SLC9C2: variants seen among roughly 807,000 people sequenced by gnomAD.
SLC9C2 encodes the protein sodium/hydrogen exchanger 11.
Under a neutral mutation model 140.2 loss-of-function variants are expected in SLC9C2, and 75 were observed. The observed-to-expected ratio is 0.53, with a 90% confidence interval of 0.44 to 0.65. SLC9C2 has a LOEUF of 0.65. Ranked by LOEUF, SLC9C2 falls within the 30% of genes least tolerant of loss-of-function variation. The pLI is 0.00. For missense variants in SLC9C2, 1,074 were observed against 1,331.8 expected, an observed-to-expected ratio of 0.81 and a Z score of 3.01; for synonymous variants, 375 against 420.9, an observed-to-expected ratio of 0.89 and a Z score of 1.34.
Position 173,581,726 on chromosome 1 carries a change from A to G in SLC9C2, c.802+121T>C, listed in dbSNP as rs1413484904. On this transcript the variant is annotated intron_variant, in intron 7 of 27. Transcript: ENST00000367714. ...AGCTAGAGGTAAGTAAAATAATATG[A>G]CAGGACACACAGTGGGGCCACAAAA... 1.7e-5 allele frequency: 12 copies of G among 705,062 alleles called. No homozygotes were observed. The Admixed American group carries it at 4.1e-4, about 24-fold the overall frequency. The allele number at this position is 705,062 out of a possible 1,614,324, so 43.7% of individuals were successfully genotyped here. A position where few individuals can be genotyped will look rare whatever the true frequency, so the allele number is the denominator to read the frequency against.
At chr1:173,581,128 T>C (rs1665504774) in intron 7 of SLC9C2, among the ~76,000 whole-genome samples, 1 of 152,158 alleles carries the variant, frequency 6.6e-6, no homozygotes, top group Non-Finnish European at 1.5e-5. Flanking sequence ...GAAAGAGAAG[T>C]AATTAACCTC....
chr1:173,570,784 A>T (rs559279663), intron 9 of SLC9C2, among the ~76,000 whole-genome samples: 1 of 152,136 alleles, frequency 6.6e-6, no homozygotes, highest in Non-Finnish European at 1.5e-5. Flanking sequence ...AGTTCAGCAC[A>T]GTTTTGCTTT....
chr1:173,558,165 A>C (rs1243642128), intron 9 of SLC9C2, among the ~76,000 whole-genome samples: 1 of 152,230 alleles, frequency 6.6e-6, no homozygotes, highest in Non-Finnish European at 1.5e-5. Flanking sequence ...ATGTGTTCTT[A>C]GCCTCAAAAA....
In SLC9C2 at chr1:173,503,299, G is replaced by A; in HGVS notation, c.3338C>T (p.Pro1113Leu). ...TTGTCTTCCATTTATATTCTTTCCT[G>A]GTTGTTCAAAGACCGTGTTGACTGA... The part of the protein sequence containing the change: ...MASVNTVFEQ[P>L]GKNINGRQKM... Residue 1113 changes from proline to leucine, a missense_variant, in exon 27 of 28, where the codon CCA becomes CTA. Coordinates refer to ENST00000367714, the MANE Select transcript of SLC9C2 (RefSeq NM_178527.4). 1.9e-6 allele frequency: 3 copies of A among 1,613,598 alleles called. No homozygotes were observed. Among genetic ancestry groups the A allele is most frequent in the Non-Finnish European group, 2.5e-6 (3 of 1,179,796 alleles).
At chr1:173,570,915 G>A (rs1448445877) in intron 9 of SLC9C2, among the ~76,000 whole-genome samples, 2 of 152,152 alleles carry the variant, frequency 1.3e-5, no homozygotes, top group Non-Finnish European at 2.9e-5. Context: ...GGGAGGACTG[G>A]GGAGGGGTGG....
At chr1:173,558,099 A>T (rs1571557105) in intron 9 of SLC9C2, among the ~76,000 whole-genome samples, 1 of 152,212 alleles carries the variant, frequency 6.6e-6, no homozygotes, top group Non-Finnish European at 1.5e-5. Context: ...AGAGAATATC[A>T]ATACTGTACT....
intron 17 of SLC9C2, among the ~76,000 whole-genome samples, chr1:173,530,281 A>T (rs1471877671): frequency 6.6e-6 from 1 of 152,170 alleles, no homozygotes; most frequent in Non-Finnish European, 1.5e-5. Context: ...TTCTGTGCCT[A>T]CAAAAGTCAA....
intron 19 of SLC9C2, 77 bp downstream of exon 19, chr1:173,526,586 C>T (rs1661213303): frequency 1.6e-6 from 2 of 1,253,270 alleles, no homozygotes; most frequent in Non-Finnish European, 2.3e-6. Context: ...TAAATGAAAG[C>T]ATGAATTGTT....
At chr1:173,529,004 T>C (rs1461023) in intron 18 of SLC9C2, among the ~76,000 whole-genome samples, 29,820 of 152,122 alleles carry the variant, frequency 0.2, 4,221 homozygotes, top group East Asian at 0.64. Context: ...CTAGATAATA[T>C]TATGTTAATT....
chr1:173,542,379 C>A (rs1021312888), intron 13 of SLC9C2, among the ~76,000 whole-genome samples: 7 of 152,116 alleles, frequency 4.6e-5, no homozygotes, highest in African/African-American at 1.7e-4. Context: ...AGCCTACCAA[C>A]CAAAAAAAGT....
intron 20 of SLC9C2, 133 bp from the exon 21 acceptor site, chr1:173,524,227 C>G: frequency 2.4e-6 from 2 of 821,070 alleles, no homozygotes; most frequent in Non-Finnish European, 3.6e-6. Flanking sequence ...CAGCTTGTCT[C>G]ATCCTATCTA....
intron 13 of SLC9C2, among the ~76,000 whole-genome samples, chr1:173,543,624 C>T (rs1259442145): frequency 6.6e-6 from 1 of 152,254 alleles, no homozygotes; most frequent in Non-Finnish European, 1.5e-5. Flanking sequence ...GCTACAGTAA[C>T]AAAAACAGCA....
At chr1:173,573,953 T>G (rs777131231) in intron 8 of SLC9C2, among the ~76,000 whole-genome samples, 1 of 152,218 alleles carries the variant, frequency 6.6e-6, no homozygotes, top group Non-Finnish European at 1.5e-5. Context: ...TAATGTAGTT[T>G]TTAAGCAGAA....
At chr1:173,524,226 T>A in intron 20 of SLC9C2, 132 bp from the exon 21 acceptor site, 1 of 820,722 alleles carries the variant, frequency 1.2e-6, no homozygotes, top group East Asian at 2.9e-5. Context: ...ACAGCTTGTC[T>A]CATCCTATCT....
chr1:173,587,543 G>GA (rs1348149936), intron 5 of SLC9C2, 122 bp downstream of exon 5: 1,213 of 912,208 alleles, frequency 1.3e-3, no homozygotes, highest in South Asian at 1.6e-3. Context: ...CTCTCAAGGT[G>GA]AAAAAAAAAG....
intron 9 of SLC9C2, among the ~76,000 whole-genome samples, chr1:173,558,303 C>T (rs1376618693): frequency 6.6e-6 from 1 of 152,148 alleles, no homozygotes; most frequent in Non-Finnish European, 1.5e-5. Flanking sequence ...AACTCCTCTG[C>T]CTTGCATTCA....
At chr1:173,580,174 G>GTC (rs1665435507) in intron 7 of SLC9C2, among the ~76,000 whole-genome samples, 2 of 332 alleles carry the variant, frequency 6.0e-3, no homozygotes, top group African/African-American at 0.025. Flanking sequence ...ATGGTGTAAA[G>GTC]ACTCACTGTG....
At chr1:173,540,280 G>A (rs775681126) in intron 13 of SLC9C2, among the ~76,000 whole-genome samples, 6 of 152,322 alleles carry the variant, frequency 3.9e-5, no homozygotes, top group Non-Finnish European at 8.8e-5. Flanking sequence ...ATGACCACAG[G>A]CATAAGAGTG....
intron 23 of SLC9C2, among the ~76,000 whole-genome samples, chr1:173,515,814 TTTGAGGCTG>T (rs1421866037): frequency 6.6e-6 from 1 of 152,230 alleles, no homozygotes; most frequent in African/African-American, 2.4e-5. Flanking sequence ...AATATTGATC[TTTGAGGCTG>T]TTGACCCTTA....
Sources: allele counts gnomAD v4.1 joint callset (sites outside exome capture counted in the v4.1 genomes callset), GRCh38; gene constraint gnomAD v4.1.1; transcripts MANE v1.5; gene names NCBI Gene and HGNC (gene_info 2026-07-23, HGNC 2026-07-21).